The following TRPC4 variants were observed in gnomAD, a reference collection of about 807,000 sequenced individuals.
TRPC4 encodes the protein transient receptor potential cation channel subfamily C member 4, also known as short transient receptor potential channel 4.
TRPC4 carries 49 observed loss-of-function variants against 99.4 expected under a neutral mutation model. The observed-to-expected ratio is 0.49, with a 90% CI of 0.39 to 0.63. The LOEUF (loss-of-function observed/expected upper bound fraction) is 0.63. Among genes scored for constraint, TRPC4 ranks in the 20% least tolerant of loss-of-function variants. TRPC4 has a pLI of 0.00. For missense variants in TRPC4, 898 were observed against 1,152.9 expected, an observed-to-expected ratio of 0.78 and a Z score of 3.20; for synonymous variants, 454 against 425.9, an observed-to-expected ratio of 1.07 and a Z score of -0.81.
At chr13:37,782,124 T>C (rs565310323) in intron 2 of TRPC4, among the ~76,000 whole-genome samples, 1 of 151,992 alleles carries the variant, frequency 6.6e-6, no homozygotes, top group Non-Finnish European at 1.5e-5. Flanking sequence ...AAGTGACGAG[T>C]ACAGTGTGAA....
chr13:37,749,309 A>G (rs1272455217), intron 2 of TRPC4, among the ~76,000 whole-genome samples: 1 of 152,140 alleles, frequency 6.6e-6, no homozygotes, highest in Non-Finnish European at 1.5e-5. Context: ...TACAGTAAAT[A>G]ACTATTTTTA....
At chr13:37,688,277 C>T (rs1953559558) in intron 4 of TRPC4, among the ~76,000 whole-genome samples, 1 of 152,112 alleles carries the variant, frequency 6.6e-6, no homozygotes, top group Non-Finnish European at 1.5e-5. Context: ...AGATGTAAAA[C>T]ACAATAGATT....
intron 2 of TRPC4, among the ~76,000 whole-genome samples, chr13:37,776,923 CT>C (rs914973961): frequency 1.3e-5 from 2 of 151,846 alleles, no homozygotes; most frequent in African/African-American, 4.8e-5. Context: ...TAAGAATCTT[CT>C]ATATTTTTAT....
At chr13:37,762,510 A>C (rs1488376759) in intron 2 of TRPC4, among the ~76,000 whole-genome samples, 1 of 151,638 alleles carries the variant, frequency 6.6e-6, no homozygotes, top group Non-Finnish European at 1.5e-5. Context: ...AATGTGGCAC[A>C]TATACACCAT....
At chr13:37,683,092 G>C (rs758068993) in intron 4 of TRPC4, among the ~76,000 whole-genome samples, 1 of 151,964 alleles carries the variant, frequency 6.6e-6, no homozygotes, top group African/African-American at 2.4e-5. Context: ...TGCTAAAAGG[G>C]AATACCAGAA....
chr13:37,820,703 T>C (rs892589410), intron 1 of TRPC4, among the ~76,000 whole-genome samples: 20 of 152,226 alleles, frequency 1.3e-4, no homozygotes, highest in African/African-American at 4.8e-4. Flanking sequence ...ATTATCTCCA[T>C]AGATGAAGAA....
chr13:37,725,277 T>C (rs1824973059), intron 3 of TRPC4, among the ~76,000 whole-genome samples: 1 of 151,950 alleles, frequency 6.6e-6, no homozygotes, highest in Non-Finnish European at 1.5e-5. Flanking sequence ...ATATACATTG[T>C]GGAGGCTCAG....
chr13:37,786,360 A>G (rs36087270), intron 1 of TRPC4, among the ~76,000 whole-genome samples: 1 of 150,914 alleles, frequency 6.6e-6, no homozygotes, highest in Admixed American at 6.6e-5. Flanking sequence ...GAGAGAGAGA[A>G]CAACTTTGAT....
intron 5 of TRPC4, among the ~76,000 whole-genome samples, chr13:37,668,120 C>T (rs1228712891): frequency 6.6e-6 from 1 of 152,122 alleles, no homozygotes; most frequent in African/African-American, 2.4e-5. Context: ...TAAAGTAATC[C>T]TTTAGGAAGA....
At chr13:37,852,513 C>T (rs1466133221) in intron 1 of TRPC4, among the ~76,000 whole-genome samples, 2 of 152,290 alleles carry the variant, frequency 1.3e-5, no homozygotes, top group East Asian at 3.9e-4. Flanking sequence ...GACATGCTGG[C>T]TTCAGATGTG....
intron 2 of TRPC4, among the ~76,000 whole-genome samples, chr13:37,769,928 A>C (rs545379087): frequency 6.6e-6 from 1 of 151,556 alleles, no homozygotes; most frequent in Non-Finnish European, 1.5e-5. Flanking sequence ...TCTAATTTCT[A>C]ATACTCACAA....
At chr13:37,713,707 C>T (rs1184502770) in intron 3 of TRPC4, among the ~76,000 whole-genome samples, 1 of 152,084 alleles carries the variant, frequency 6.6e-6, no homozygotes, top group African/African-American at 2.4e-5. Flanking sequence ...AGGTGGACTC[C>T]CACCTCCCTC....
At chr13:37,863,944 T>A (rs1959567665) in intron 1 of TRPC4, among the ~76,000 whole-genome samples, 1 of 151,750 alleles carries the variant, frequency 6.6e-6, no homozygotes. Context: ...CAATGTGTTA[T>A]GAACTATGAT....
At chr13:37,861,888 G>C (rs1359008690) in intron 1 of TRPC4, among the ~76,000 whole-genome samples, 1 of 151,338 alleles carries the variant, frequency 6.6e-6, no homozygotes, top group Admixed American at 6.6e-5. Flanking sequence ...TAATTATTTT[G>C]CATGATAACC....
chr13:37,830,265 T>G (rs931317050), intron 1 of TRPC4, among the ~76,000 whole-genome samples: 1 of 151,950 alleles, frequency 6.6e-6, no homozygotes, highest in Non-Finnish European at 1.5e-5. Context: ...ATTAAAAATA[T>G]TAAAGGAAGT....
intron 1 of TRPC4, among the ~76,000 whole-genome samples, chr13:37,799,266 G>A (rs574678433): frequency 5.0e-4 from 76 of 152,090 alleles, no homozygotes; most frequent in African/African-American, 1.8e-3. Context: ...CCAACACCTG[G>A]TCAATGCTGT....
At chr13:37,733,313 T>C (rs984250785) in intron 3 of TRPC4, among the ~76,000 whole-genome samples, 4 of 152,066 alleles carry the variant, frequency 2.6e-5, no homozygotes, top group Non-Finnish European at 5.9e-5. Context: ...TTCTGTTGCA[T>C]TCTATGGGTC....
chr13:37,858,678 A>G (rs914676255), intron 1 of TRPC4, among the ~76,000 whole-genome samples: 2 of 151,650 alleles, frequency 1.3e-5, no homozygotes, highest in African/African-American at 4.8e-5. Context: ...GAGAGACAGC[A>G]CAGAAAGACA....
At chr13:37,639,596 A>G (rs977970817) in intron 8 of TRPC4, among the ~76,000 whole-genome samples, 1 of 152,064 alleles carries the variant, frequency 6.6e-6, no homozygotes, top group African/African-American at 2.4e-5. Flanking sequence ...TGCACTCAAC[A>G]TTGACGGAAT....
Sources: allele counts gnomAD v4.1 joint callset (sites outside exome capture counted in the v4.1 genomes callset), GRCh38; gene constraint gnomAD v4.1.1; transcripts MANE v1.5; gene names NCBI Gene and HGNC (gene_info 2026-07-23, HGNC 2026-07-21).